Variants in PKNOX2 observed in about 807,000 individuals in gnomAD.
The protein encoded by PKNOX2 is PBX/knotted 1 homeobox 2.
In PKNOX2, 14 loss-of-function variants were observed where a neutral mutation model predicts 53.1. The ratio of observed to expected loss-of-function variants is 0.26; its 90% CI spans 0.17 to 0.41. PKNOX2 has a LOEUF of 0.41. Ranked by LOEUF, PKNOX2 falls within the 10% of genes least tolerant of loss-of-function variation. The pLI, the probability that PKNOX2 is intolerant of heterozygous loss-of-function variation, is 1.00. For missense variants in PKNOX2, 496 were observed against 602.8 expected (o/e 0.82, Z 1.85); for synonymous variants, 257 against 242.8 (o/e 1.06, Z -0.54).
chr11:125,289,619 G>T (rs1193594150), intron 2 of PKNOX2, among the ~76,000 whole-genome samples: 1 of 152,086 alleles, frequency 6.6e-6, no homozygotes, highest in Non-Finnish European at 1.5e-5. Context: ...CCAAACAATT[G>T]CCCCTGGAGT....
chr11:125,248,807 CAGGGTGGACTTGAATTGCCCTCA>C (rs1013293130), intron 2 of PKNOX2, among the ~76,000 whole-genome samples: 1 of 146,390 alleles, frequency 6.8e-6, no homozygotes, highest in African/African-American at 2.5e-5. Flanking sequence ...CTATGTTGCC[CAGGGTGGACTTGAATTGCCCTCA>C]AGTGATCCTC....
chr11:125,348,111 C>A (rs942414773), intron 3 of PKNOX2, among the ~76,000 whole-genome samples: 1 of 152,212 alleles, frequency 6.6e-6, no homozygotes, highest in Non-Finnish European at 1.5e-5. Context: ...GGGCCAGGAC[C>A]CCCGCTGTGG....
chr11:125,403,335 C>A (rs1954869294), intron 7 of PKNOX2, among the ~76,000 whole-genome samples: 1 of 152,120 alleles, frequency 6.6e-6, no homozygotes, highest in Non-Finnish European at 1.5e-5. Flanking sequence ...AGAATGTAGG[C>A]AACAGGGTCA....
chr11:125,326,768 A>G (rs1240163187), intron 2 of PKNOX2, among the ~76,000 whole-genome samples: 1 of 152,212 alleles, frequency 6.6e-6, no homozygotes, highest in East Asian at 1.9e-4. Flanking sequence ...ATAGATGGCA[A>G]TGGTGAAAAC....
intron 2 of PKNOX2, chr11:125,287,986 G>A (rs1319912418): frequency 1.3e-5 from 2 of 152,282 alleles, no homozygotes; most frequent in Non-Finnish European, 2.9e-5. Context: ...CCAGCTCCAA[G>A]TACCTGCCAG....
chr11:125,381,285 A>G (rs1009464602), intron 5 of PKNOX2, among the ~76,000 whole-genome samples: 1 of 152,004 alleles, frequency 6.6e-6, no homozygotes, highest in African/African-American at 2.4e-5. Context: ...CAGACGCTGG[A>G]GCATGGGGAG....
chr11:125,196,394 G>T (rs549540996), intron 1 of PKNOX2, among the ~76,000 whole-genome samples: 1 of 152,160 alleles, frequency 6.6e-6, no homozygotes, highest in African/African-American at 2.4e-5. Context: ...GCCTGAGCCC[G>T]GGACACCGTC....
At chr11:125,201,927 G>A (rs562964063) in intron 1 of PKNOX2, among the ~76,000 whole-genome samples, 3 of 152,330 alleles carry the variant, frequency 2.0e-5, no homozygotes, top group African/African-American at 7.2e-5. Flanking sequence ...GAGCTGCCTT[G>A]TGGCTGCTCC....
intron 2 of PKNOX2, among the ~76,000 whole-genome samples, chr11:125,250,128 C>G (rs1943887315): frequency 6.7e-6 from 1 of 148,448 alleles, no homozygotes; most frequent in African/African-American, 2.5e-5. Context: ...GTTGCCCAGG[C>G]TAGACTCGAA....
chr11:125,300,092 C>T (rs940328386), intron 2 of PKNOX2, among the ~76,000 whole-genome samples: 4 of 152,220 alleles, frequency 2.6e-5, no homozygotes, highest in Non-Finnish European at 4.4e-5. Context: ...GTCTGGCCTT[C>T]GGGGCCGTGT....
chr11:125,289,732 T>C (rs1433389496), intron 2 of PKNOX2, among the ~76,000 whole-genome samples: 1 of 152,090 alleles, frequency 6.6e-6, no homozygotes, highest in Non-Finnish European at 1.5e-5. Context: ...CAGGACCTGA[T>C]GGAAAAGGAG....
At chr11:125,414,810 T>C (rs1955783936) in intron 10 of PKNOX2, among the ~76,000 whole-genome samples, 1 of 151,948 alleles carries the variant, frequency 6.6e-6, no homozygotes, top group African/African-American at 2.4e-5. Context: ...AGAAAATGTA[T>C]ATAAAGAGCC....
chr11:125,302,363 T>G (rs1948136645), intron 2 of PKNOX2, among the ~76,000 whole-genome samples: 1 of 152,048 alleles, frequency 6.6e-6, no homozygotes, highest in African/African-American at 2.4e-5. Context: ...ATCAAGTGAG[T>G]GACTGAGGCC....
intron 10 of PKNOX2, among the ~76,000 whole-genome samples, chr11:125,415,741 G>A (rs1200317137): frequency 6.6e-6 from 1 of 152,028 alleles, no homozygotes; most frequent in African/African-American, 2.4e-5. Context: ...GAGCGGAAAG[G>A]GTATGAAGTA....
intron 1 of PKNOX2, among the ~76,000 whole-genome samples, chr11:125,179,969 C>T (rs181927643): frequency 9.4e-4 from 143 of 152,276 alleles, no homozygotes; most frequent in African/African-American, 3.2e-3. Flanking sequence ...AAGTCCTCCC[C>T]ATGGCTGAAT....
intron 2 of PKNOX2, among the ~76,000 whole-genome samples, chr11:125,308,227 G>A (rs986019990): frequency 2.0e-5 from 3 of 152,198 alleles, no homozygotes; most frequent in Admixed American, 6.5e-5. Flanking sequence ...TATGGATCAT[G>A]CCCTTGGCCA....
chr11:125,397,854 C>T lies in PKNOX2; in HGVS notation c.400-20C>T. On this transcript the variant is annotated intron_variant, in intron 6 of 12. Coordinates refer to ENST00000298282, the MANE Select transcript of PKNOX2 (RefSeq NM_001382323.2). ...AATGGGATGCAAACACCTGGGCTCA[C>T]CTCTCCTCCCTCTCCACAGATGGTG... The T allele has an allele frequency of 6.3e-7, 1 of 1,595,258 alleles. No individual in the cohort carries two copies.
intron 3 of PKNOX2, among the ~76,000 whole-genome samples, chr11:125,349,977 G>A (rs1220979548): frequency 6.6e-6 from 1 of 152,078 alleles, no homozygotes; most frequent in Non-Finnish European, 1.5e-5. Context: ...CCTGGGAAGG[G>A]CCAGGCTGGA....
rs149383264 is a variant in PKNOX2 at position 125,227,748 on chromosome 11, G to T, written c.-200-7297G>T. On this transcript the variant is annotated intron_variant, in intron 1 of 12. Coordinates refer to ENST00000298282, the MANE Select transcript of PKNOX2 (RefSeq NM_001382323.2). ...TTTGCTTCCTTTGGGTTTATAGTAT[G>T]TAAAAAGTGGAGGCATGTTTTTAAG... Among the ~76,000 whole-genome samples the T allele has an allele frequency of 6.4e-3, 974 of 152,312 alleles. 15 individuals are homozygous for T. Among genetic ancestry groups the T allele is most frequent in the African/African-American group, 0.022 (927 of 41,578 alleles).
Sources: gnomAD v4.1 joint callset for allele counts (sites outside exome capture counted in the v4.1 genomes callset) on GRCh38, gnomAD v4.1.1 for gene constraint, MANE v1.5 for transcripts, NCBI Gene and HGNC (gene_info 2026-07-23, HGNC 2026-07-21) for gene names.